The following TMEM260 variants were observed in gnomAD, a reference collection of about 807,000 sequenced individuals.
TMEM260 encodes transmembrane protein 260.
TMEM260 carries 82 observed loss-of-function variants against 88.9 expected under a neutral mutation model. That is an observed-to-expected ratio of 0.92 (90% CI 0.77 to 1.11). TMEM260 has a LOEUF of 1.11. Among genes scored for constraint, TMEM260 ranks in the 50% least tolerant of loss-of-function variants. TMEM260 has a pLI of 0.00. For missense variants in TMEM260, 902 were observed against 853.4 expected, an observed-to-expected ratio of 1.06 and a Z score of -0.71; for synonymous variants, 314 against 309.3, an observed-to-expected ratio of 1.02 and a Z score of -0.16.
At chr14:56,633,829 G>A (rs1016878443) in intron 13 of TMEM260, among the ~76,000 whole-genome samples, 1 of 152,066 alleles carries the variant, frequency 6.6e-6, no homozygotes, top group African/African-American at 2.4e-5. Context: ...CTAAAGAAAT[G>A]TGCCTCCATT....
chr14:56,637,702 C>G (rs1258003079), intron 15 of TMEM260, among the ~76,000 whole-genome samples: 2 of 152,208 alleles, frequency 1.3e-5, no homozygotes, highest in Non-Finnish European at 2.9e-5. Context: ...GGTGCTAAGA[C>G]AAAATAGCAT....
chr14:56,586,856 C>T (rs926836598), intron 3 of TMEM260, among the ~76,000 whole-genome samples: 1 of 151,864 alleles, frequency 6.6e-6, no homozygotes, highest in Non-Finnish European at 1.5e-5. Context: ...ATAATTATAA[C>T]TCTGAAGTTT....
chr14:56,622,220 G>A (rs568920594), intron 11 of TMEM260, among the ~76,000 whole-genome samples: 1 of 151,838 alleles, frequency 6.6e-6, no homozygotes, highest in South Asian at 2.1e-4. Context: ...GCACGCGCCT[G>A]TAGTCCCAGC....
At chr14:56,580,828 C>T (rs1885081150) in intron 1 of TMEM260, among the ~76,000 whole-genome samples, 1 of 152,164 alleles carries the variant, frequency 6.6e-6, no homozygotes, top group African/African-American at 2.4e-5. Flanking sequence ...CATATCATGG[C>T]CAGTAATTTT....
intron 1 of TMEM260, among the ~76,000 whole-genome samples, chr14:56,583,741 G>A (rs1336464109): frequency 6.6e-6 from 1 of 152,070 alleles, no homozygotes; most frequent in Admixed American, 6.6e-5. Flanking sequence ...AGGATTTAGG[G>A]GGAGAATGCT....
intron 14 of TMEM260, among the ~76,000 whole-genome samples, chr14:56,635,943 T>C (rs1241251771): frequency 6.6e-6 from 1 of 152,168 alleles, no homozygotes; most frequent in Non-Finnish European, 1.5e-5. Context: ...GACAAATTCT[T>C]ACTTTAAGGA....
chr14:56,605,624 A>G lies in TMEM260; in HGVS notation c.577A>G (p.Ile193Val), dbSNP rs761785568. ...CCTTAGTTTATGTAACCAGCACACA[A>G]TAATACTCTATGTTTTGTGCATAAT... ...CGLSLCNQHT[I>V]ILYVLCIIPW... is the part of the protein sequence containing the mutation. Residue 193 changes from isoleucine (I) to valine (V), a missense_variant, in exon 5 of 16, where the codon ATA becomes GTA. By Grantham distance (29) the Ile-to-Val change is conservative. Transcript: ENST00000261556. The G allele has an allele frequency of 3.1e-6, 5 of 1,598,298 alleles. 1 individual carries two copies. The South Asian group carries it at 3.5e-5, about 11-fold the overall frequency.
chr14:56,636,418 T>C, intron 14 of TMEM260, 90 bp from the exon 15 acceptor site: 1 of 969,220 alleles, frequency 1.0e-6, no homozygotes, highest in Non-Finnish European at 1.7e-6. Flanking sequence ...TGTACATCCC[T>C]TATCAGTGGA....
Position 56,638,957 on chromosome 14 carries a change from G to T in TMEM260, c.1869+2359G>T, listed in dbSNP as rs2139643499. Among the ~76,000 whole-genome samples the T allele has an allele frequency of 2.0e-5, 3 of 152,136 alleles. No individual in the cohort carries two copies. In the South Asian group the frequency reaches 6.2e-4, roughly 32 times the overall value. Reference sequence around the variant, plus strand: ...AGAATGATGGGCTTCTCAAGATATGGTACATGTGACTTAATAGGACATCTA... The same window carrying T: ...AGAATGATGGGCTTCTCAAGATATGTTACATGTGACTTAATAGGACATCTA... On this transcript the variant is annotated intron_variant, in intron 15 of 15. Transcript: ENST00000261556.
intron 7 of TMEM260, chr14:56,613,530 T>C (rs1436602956): frequency 6.6e-6 from 1 of 152,208 alleles, no homozygotes; most frequent in Non-Finnish European, 1.5e-5. Context: ...TCTAATATTT[T>C]TAAGATTTTT....
chr14:56,645,609 G>A (rs980402687), intron 15 of TMEM260, among the ~76,000 whole-genome samples: 33 of 145,012 alleles, frequency 2.3e-4, no homozygotes, highest in Non-Finnish European at 2.9e-4. Context: ...AAACCTGCAC[G>A]TTGTGCACAT....
At chr14:56,592,383 A>G (rs946223368) in intron 3 of TMEM260, among the ~76,000 whole-genome samples, 4 of 152,158 alleles carry the variant, frequency 2.6e-5, no homozygotes. Flanking sequence ...CTGCTCTTTC[A>G]GTGGCCTCAT....
chr14:56,632,687 C>T (rs1325681484), intron 12 of TMEM260, among the ~76,000 whole-genome samples: 1 of 152,020 alleles, frequency 6.6e-6, no homozygotes, highest in Non-Finnish European at 1.5e-5. Flanking sequence ...TGGCCTCAAG[C>T]GATTCTCCCA....
intron 8 of TMEM260, 81 bp downstream of exon 8, chr14:56,616,108 A>C (rs551620446): frequency 7.2e-5 from 72 of 994,010 alleles, no homozygotes; most frequent in Non-Finnish European, 1.1e-4. Context: ...GCTGTAGGAC[A>C]TTGCCAGTAT....
At chr14:56,638,354 A>G (rs1042660980) in intron 15 of TMEM260, 21 of 152,204 alleles carry the variant, frequency 1.4e-4, no homozygotes, top group African/African-American at 4.8e-4. Context: ...TAAACTTGAA[A>G]AGATCTCCTT....
chr14:56,585,359 C>T (rs1885424883), intron 2 of TMEM260, among the ~76,000 whole-genome samples: 2 of 152,070 alleles, frequency 1.3e-5, no homozygotes, highest in Admixed American at 6.6e-5. Context: ...TCCCTTCAGG[C>T]AAGACCTTAC....
At chr14:56,597,364 C>T (rs1204143092) in intron 3 of TMEM260, among the ~76,000 whole-genome samples, 1 of 152,194 alleles carries the variant, frequency 6.6e-6, no homozygotes, top group African/African-American at 2.4e-5. Flanking sequence ...ATTTGAAACA[C>T]TTCTGGTCCC....
At chr14:56,608,999 C>T (rs917693691) in intron 5 of TMEM260, 107 bp from the exon 6 acceptor site, 1 of 1,146,238 alleles carries the variant, frequency 8.7e-7, no homozygotes, top group African/African-American at 1.5e-5. Flanking sequence ...ATTGGGAGAT[C>T]AGCTCTGAGT....
rs1327634375 is a variant in TMEM260 at position 56,647,365 on chromosome 14, A to G, written c.1992A>G (p.Leu664=). 12 of 1,614,110 alleles carry G rather than the reference A, an allele frequency of 7.4e-6. No homozygotes were observed. The highest frequency in any genetic ancestry group is 1.7e-5 in the Admixed American group (1 of 60,012). The stretch of plus-strand genomic sequence containing the variant: ...GAGATGCAGATCCTGAAGTGCTGTT[A>G]TCGGAAACCATCAGACATTTCCGTC... ...QARDADPEVL[L]SETIRHFRLY... Residue 664 remains leucine (L), a synonymous_variant, in exon 16 of 16, where the codon TTA becomes TTG. Coordinates refer to ENST00000261556, the MANE Select transcript of TMEM260 (RefSeq NM_017799.4).
Sources: gnomAD v4.1 joint callset for allele counts (sites outside exome capture counted in the v4.1 genomes callset) on GRCh38, gnomAD v4.1.1 for gene constraint, MANE v1.5 for transcripts, NCBI Gene and HGNC (gene_info 2026-07-23, HGNC 2026-07-21) for gene names.